Variants in CDKL5 observed in about 807,000 individuals in gnomAD.
CDKL5 encodes the protein cyclin-dependent kinase-like 5.
CDKL5 carries 8 observed loss-of-function variants against 61.7 expected under a neutral mutation model. That is an observed-to-expected ratio of 0.13 (90% CI 0.08 to 0.23). The LOEUF (loss-of-function observed/expected upper bound fraction) is 0.23, where lower values mean the gene tolerates loss of function less well. CDKL5 is among the 10% of genes least tolerant of loss of function. CDKL5 has a pLI of 1.00. For missense variants in CDKL5, 440 were observed against 734.5 expected, an observed-to-expected ratio of 0.60 and a Z score of 4.63; for synonymous variants, 275 against 272.3, an observed-to-expected ratio of 1.01 and a Z score of -0.10.
intron 15 of CDKL5, among the ~76,000 whole-genome samples, chrX:18,618,044 T>C (rs1042788927): frequency 1.8e-5 from 2 of 112,400 alleles, no homozygotes; most frequent in African/African-American, 6.5e-5. Context: ...CCATGCAAGA[T>C]CCTACTTCCT....
intron 3 of CDKL5, among the ~76,000 whole-genome samples, chrX:18,542,984 A>T (rs1378230896): frequency 1.8e-5 from 2 of 110,561 alleles, no homozygotes; most frequent in African/African-American, 6.6e-5. Context: ...GGGGAGTCAG[A>T]GGTGCTACGG....
Position 18,631,844 on chromosome X carries a change from G to A in CDKL5, c.*3087G>A, listed in dbSNP as rs1927245917. ...CTAGAGCCCAAGACCAAAAGGGAGT[G>A]CTTCATGCTGAGGGGCTCAAGTGAG... On this transcript the variant is annotated 3_prime_UTR_variant, in exon 18 of 18. Coordinates refer to ENST00000623535, the MANE Select transcript of CDKL5 (RefSeq NM_001323289.2). 1.3e-6 allele frequency: 1 copy of A among 752,518 alleles called. No individual in the cohort carries two copies. Among genetic ancestry groups the A allele is most frequent in the Admixed American group, 8.8e-5 (1 of 11,386 alleles). The allele number at this position is 752,518 out of a possible 1,213,427, so 62.0% of individuals were successfully genotyped here.
intron 3 of CDKL5, among the ~76,000 whole-genome samples, chrX:18,553,451 G>T (rs1924469327): frequency 9.6e-6 from 1 of 104,357 alleles, no homozygotes; most frequent in African/African-American, 3.6e-5. Flanking sequence ...CTTGAAGGCA[G>T]TTGTGTGTGT....
Position 18,573,262 on chromosome X carries a change from A to G in CDKL5, c.146-2092A>G, listed in dbSNP as rs913982029. Among the ~76,000 whole-genome samples, 8 of 111,638 alleles carry G rather than the reference A, an allele frequency of 7.2e-5. No homozygotes were observed. The East Asian group carries it at 2.3e-3, about 32-fold the overall frequency. Reference sequence around the variant, plus strand: ...TGTTAAATTAGTCCCTTGTTAGATCATTTGTTTCTTATTTGAGATCTGTGT... The same window carrying G: ...TGTTAAATTAGTCCCTTGTTAGATCGTTTGTTTCTTATTTGAGATCTGTGT... On this transcript the variant is annotated intron_variant, in intron 4 of 17. Coordinates refer to ENST00000623535, the MANE Select transcript of CDKL5 (RefSeq NM_001323289.2).
intron 11 of CDKL5, among the ~76,000 whole-genome samples, chrX:18,601,437 A>AT (rs751121382): frequency 3.9e-4 from 44 of 112,772 alleles, no homozygotes; most frequent in Admixed American, 4.7e-4. Context: ...TGTATGTAAA[A>AT]TTTTTTTAAC....
intron 1 of CDKL5, among the ~76,000 whole-genome samples, chrX:18,473,425 G>A (rs768967301): frequency 9.1e-6 from 1 of 109,884 alleles, no homozygotes; most frequent in Non-Finnish European, 1.9e-5. Flanking sequence ...GTAGGTGCTC[G>A]TCACCCAGGT....
intron 3 of CDKL5, among the ~76,000 whole-genome samples, chrX:18,520,514 C>T (rs767301929): frequency 3.6e-5 from 4 of 112,067 alleles, no homozygotes; most frequent in African/African-American, 1.3e-4. Flanking sequence ...TTGTTTCTAC[C>T]TTTTGTCTAT....
intron 20 of CDKL5, among the ~76,000 whole-genome samples, chrX:18,648,306 A>C (rs138521243): frequency 9.2e-6 from 1 of 108,819 alleles, no homozygotes; most frequent in African/African-American, 3.4e-5. Context: ...CGGTGCTGCT[A>C]TGTCAGCCCA....
At chrX:18,524,875 T>C (rs762128339) in intron 3 of CDKL5, among the ~76,000 whole-genome samples, 3 of 112,018 alleles carry the variant, frequency 2.7e-5, no homozygotes, top group Non-Finnish European at 5.6e-5. Context: ...TTGCCTGTGC[T>C]CCTTTGTCAA....
intron 17 of CDKL5, 60 bp downstream of exon 17, chrX:18,625,307 CG>C: frequency 8.6e-7 from 1 of 1,159,157 alleles, no homozygotes. Flanking sequence ...TCCTGAGGAG[CG>C]GGGAGGGCAT....
intron 10 of CDKL5, among the ~76,000 whole-genome samples, chrX:18,595,986 A>G (rs930840478): frequency 2.7e-5 from 3 of 110,635 alleles, no homozygotes; most frequent in African/African-American, 9.8e-5. Flanking sequence ...AGCATTCTCA[A>G]ATTTCTTTAT....
intron 3 of CDKL5, among the ~76,000 whole-genome samples, chrX:18,550,853 C>CTGA (rs1924359562): frequency 1.8e-5 from 2 of 112,950 alleles, no homozygotes; most frequent in Non-Finnish European, 3.7e-5. Flanking sequence ...GAAAGGCTGT[C>CTGA]TGACAGGCAT....
chrX:18,568,757 G>A (rs1925048120), intron 4 of CDKL5, among the ~76,000 whole-genome samples: 1 of 110,543 alleles, frequency 9.0e-6, no homozygotes, highest in African/African-American at 3.3e-5. Context: ...ACAGTAGCAT[G>A]GTCATGGCTC....
In CDKL5 at chrX:18,608,893, A is replaced by G; in HGVS notation, c.2027A>G (p.His676Arg). 1.7e-6 allele frequency: 2 copies of G among 1,190,563 alleles called. No individual in the cohort carries two copies. The highest frequency in any genetic ancestry group is 2.3e-6 in the Non-Finnish European group (2 of 876,302). ...ETSREGTSSF[H>R]TRQKSEGGVY... ...TCCAGAGAAGGCACCTCTTCCTTCCATACACGCCAGAAGTCTGAGGTATGT... is the reference window on the plus strand; with the variant it reads ...TCCAGAGAAGGCACCTCTTCCTTCCGTACACGCCAGAAGTCTGAGGTATGT... Residue 676 changes from histidine (H) to arginine (R), a missense_variant, in exon 13 of 18, where the codon CAT becomes CGT. Physicochemically the swap from His to Arg is conservative, Grantham distance 29. Transcript: ENST00000623535.
chrX:18,544,415 C>T (rs777141258), intron 3 of CDKL5, among the ~76,000 whole-genome samples: 2 of 112,068 alleles, frequency 1.8e-5, no homozygotes, highest in Non-Finnish European at 3.8e-5. Context: ...TTTTTTAACT[C>T]ATGTGTGTTC....
chrX:18,480,857 CTTTTTTT>C (rs200858035), intron 1 of CDKL5, among the ~76,000 whole-genome samples: 24,925 of 96,290 alleles, frequency 0.26, 2,942 homozygotes, highest in East Asian at 0.46. Context: ...TTCTTTCTTC[CTTTTTTT>C]TTTTTTTTTT....
chrX:18,428,532 A>G (rs1278381789), intron 1 of CDKL5, among the ~76,000 whole-genome samples: 23 of 111,662 alleles, frequency 2.1e-4, no homozygotes, highest in South Asian at 3.7e-4. Flanking sequence ...TTTTTTATGT[A>G]ATAAATTGAT....
chrX:18,486,041 C>T (rs914569290), intron 1 of CDKL5, among the ~76,000 whole-genome samples: 1 of 111,771 alleles, frequency 8.9e-6, no homozygotes, highest in Non-Finnish European at 1.9e-5. Context: ...AGAACCTAGA[C>T]TTCTTAGCAT....
chrX:18,629,816 A>G lies in CDKL5; in HGVS notation c.*1059A>G, dbSNP rs1927184067. The G allele has an allele frequency of 1.2e-5, 9 of 752,793 alleles. No homozygotes were observed. The highest frequency in any genetic ancestry group is 2.3e-5 in the African/African-American group (1 of 43,307). The allele number at this position is 752,793 out of a possible 1,213,427, so 62.0% of individuals were successfully genotyped here. ...GGACGTTACTTGCACACAGGGGAGA[A>G]TAGATTGAGGCGTTACTCGTGGGTC... On this transcript the variant is annotated 3_prime_UTR_variant, in exon 18 of 18. Transcript: ENST00000623535.
Sources: gnomAD v4.1 joint callset for allele counts (sites outside exome capture counted in the v4.1 genomes callset) on GRCh38, gnomAD v4.1.1 for gene constraint, MANE v1.5 for transcripts, NCBI Gene and HGNC (gene_info 2026-07-23, HGNC 2026-07-21) for gene names.